The following ZNF536 variants were observed in gnomAD, a reference collection of about 807,000 sequenced individuals.
The protein encoded by ZNF536 is zinc finger protein 536.
In ZNF536, 13 loss-of-function variants were observed where a neutral mutation model predicts 84.5. The ratio of observed to expected loss-of-function variants is 0.15; its 90% CI spans 0.10 to 0.24. ZNF536 has a LOEUF of 0.24. ZNF536 is among the 10% of genes least tolerant of loss of function. The pLI is 1.00. For missense variants in ZNF536, 1,536 were observed against 1,747.5 expected, an observed-to-expected ratio of 0.88 and a Z score of 2.16; for synonymous variants, 811 against 742.5, an observed-to-expected ratio of 1.09 and a Z score of -1.50.
At chr19:30,592,842 T>C (rs943631819) in intron 1 of ZNF536, among the ~76,000 whole-genome samples, 2 of 152,242 alleles carry the variant, frequency 1.3e-5, no homozygotes, top group African/African-American at 2.4e-5. Context: ...TTGCTAGATA[T>C]AGCGCATTTC....
chr19:30,408,164 A>T (rs185291024), intron 1 of ZNF536, among the ~76,000 whole-genome samples: 178 of 152,258 alleles, frequency 1.2e-3, no homozygotes, highest in Admixed American at 2.2e-3. Flanking sequence ...GTGTGCACAG[A>T]GGTGTAGAGG....
chr19:30,578,511 C>T (rs919967563), intron 1 of ZNF536, among the ~76,000 whole-genome samples: 3 of 152,188 alleles, frequency 2.0e-5, no homozygotes, highest in Non-Finnish European at 2.9e-5. Flanking sequence ...CATCTGAGCA[C>T]GGAATCTCTG....
At chr19:30,497,285 G>A (rs370483195) in intron 2 of ZNF536, among the ~76,000 whole-genome samples, 5 of 152,172 alleles carry the variant, frequency 3.3e-5, no homozygotes, top group African/African-American at 1.2e-4. Flanking sequence ...CCTTTCTAGT[G>A]CATTTACATT....
chr19:30,634,312 T>G (rs2048989175), intron 1 of ZNF536, among the ~76,000 whole-genome samples: 1 of 152,184 alleles, frequency 6.6e-6, no homozygotes, highest in Non-Finnish European at 1.5e-5. Context: ...AGTGATATAT[T>G]GTATCAACAA....
chr19:30,381,831 C>T (rs1467704890), intron 1 of ZNF536, among the ~76,000 whole-genome samples: 1 of 152,180 alleles, frequency 6.6e-6, no homozygotes, highest in Admixed American at 6.5e-5. Context: ...CCGGAGCGAT[C>T]TATGTGGTTC....
At chr19:30,564,416 G>GGA (rs370641108) in intron 1 of ZNF536, among the ~76,000 whole-genome samples, 15 of 152,030 alleles carry the variant, frequency 9.9e-5, no homozygotes, top group African/African-American at 3.1e-4. Flanking sequence ...TGGGTAAAGA[G>GGA]GAGAGAGAGA....
intron 1 of ZNF536, among the ~76,000 whole-genome samples, chr19:30,231,708 G>A (rs879676964): frequency 6.6e-6 from 1 of 152,180 alleles, no homozygotes; most frequent in Non-Finnish European, 1.5e-5. Context: ...GGCATTGAAC[G>A]TCCTTAGAGG....
intron 1 of ZNF536, among the ~76,000 whole-genome samples, chr19:30,390,405 G>A (rs2049534133): frequency 1.3e-5 from 2 of 152,228 alleles, no homozygotes; most frequent in South Asian, 4.1e-4. Context: ...TTAGGGTGAG[G>A]TGGGACCAGG....
chr19:30,421,871 G>A (rs935157232), intron 1 of ZNF536, among the ~76,000 whole-genome samples: 3 of 152,216 alleles, frequency 2.0e-5, no homozygotes, highest in African/African-American at 7.2e-5. Flanking sequence ...GCAGTATTCA[G>A]CCAGAATTTA....
chr19:30,709,774 C>T (rs999589816), intron 1 of ZNF536, among the ~76,000 whole-genome samples: 4 of 152,178 alleles, frequency 2.6e-5, no homozygotes, highest in South Asian at 2.1e-4. Context: ...ACAGGCATGT[C>T]CCTGGCTAAT....
intron 1 of ZNF536, among the ~76,000 whole-genome samples, chr19:30,693,597 G>A (rs2051516941): frequency 6.7e-6 from 1 of 149,268 alleles, no homozygotes. Flanking sequence ...AAAAAAAAAA[G>A]AAAGACACCT....
At chr19:30,472,362 G>A (rs985893668) in intron 2 of ZNF536, among the ~76,000 whole-genome samples, 3 of 152,204 alleles carry the variant, frequency 2.0e-5, no homozygotes, top group Admixed American at 1.3e-4. Flanking sequence ...TTGCTTTGTA[G>A]GCTTGTAACA....
At chr19:30,431,283 T>G (rs2147977519) in intron 1 of ZNF536, among the ~76,000 whole-genome samples, 1 of 152,212 alleles carries the variant, frequency 6.6e-6, no homozygotes, top group African/African-American at 2.4e-5. Flanking sequence ...TGGTGACCTG[T>G]GCAGGAGCTA....
At chr19:30,301,908 G>C (rs1339037808) in intron 2 of ZNF536, among the ~76,000 whole-genome samples, 1 of 151,860 alleles carries the variant, frequency 6.6e-6, no homozygotes, top group Non-Finnish European at 1.5e-5. Flanking sequence ...TGCCGATGTG[G>C]GCTAGGTAGA....
chr19:30,505,821 G>A (rs1314718423), intron 2 of ZNF536, among the ~76,000 whole-genome samples: 2 of 151,658 alleles, frequency 1.3e-5, no homozygotes, highest in African/African-American at 2.4e-5. Flanking sequence ...ATGCGCCAAC[G>A]CACCCGGCTA....
At chr19:30,239,215 C>T (rs2144818846) in intron 1 of ZNF536, among the ~76,000 whole-genome samples, 1 of 152,334 alleles carries the variant, frequency 6.6e-6, no homozygotes, top group Middle Eastern at 3.4e-3. Context: ...GGGGTCCTGT[C>T]AATGACCCTC....
At chr19:30,595,536 C>G (rs2047433786) in intron 1 of ZNF536, among the ~76,000 whole-genome samples, 1 of 152,132 alleles carries the variant, frequency 6.6e-6, no homozygotes, top group African/African-American at 2.4e-5. Flanking sequence ...AATCCTCCCA[C>G]CTTGGCCTCC....
chr19:30,592,730 TACC>T (rs1037893443), intron 1 of ZNF536, among the ~76,000 whole-genome samples: 1 of 152,082 alleles, frequency 6.6e-6, no homozygotes, highest in African/African-American at 2.4e-5. Flanking sequence ...AAATCAACTT[TACC>T]CCCCATTTGC....
At chr19:30,345,710 A>T (rs900221498) in intron 2 of ZNF536, among the ~76,000 whole-genome samples, 1 of 152,212 alleles carries the variant, frequency 6.6e-6, no homozygotes, top group Non-Finnish European at 1.5e-5. Flanking sequence ...TCGGATGCTT[A>T]GTTTTCCTAC....
Sources: allele counts gnomAD v4.1 joint callset (sites outside exome capture counted in the v4.1 genomes callset), GRCh38; gene constraint gnomAD v4.1.1; transcripts MANE v1.5; gene names NCBI Gene and HGNC (gene_info 2026-07-23, HGNC 2026-07-21).